Variants in CORIN observed in about 807,000 individuals in gnomAD.
The protein encoded by CORIN is atrial natriuretic peptide-converting enzyme.
In CORIN, 117 loss-of-function variants were observed where a neutral mutation model predicts 125.3. That is an observed-to-expected ratio of 0.93 (90% CI 0.80 to 1.09). The LOEUF is 1.09. CORIN is among the 50% of genes least tolerant of loss of function. The pLI, the probability that CORIN is intolerant of heterozygous loss-of-function variation, is 0.00. For synonymous variants in CORIN, 450 were observed against 466.4 expected (o/e 0.96, Z 0.45); for missense variants, 1,253 against 1,306.7 (o/e 0.96, Z 0.63).
Position 47,789,879 on chromosome 4 carries a change from G to A in CORIN, c.209-2954C>T, listed in dbSNP as rs187467407. Among the ~76,000 whole-genome samples, 1,261 of 152,116 alleles carry A rather than the reference G, an allele frequency of 8.3e-3. 14 individuals carry two copies. Among genetic ancestry groups the A allele is most frequent in the African/African-American group, 0.028 (1,159 of 41,482 alleles). On this transcript the variant is annotated intron_variant, in intron 2 of 21. Transcript: ENST00000273857. ...ACTAAAAATACAAAAAAAATTAGCC[G>A]GGTGTGGTGGCGGGCGCCTGTAGTC... is the stretch of plus-strand genomic sequence containing the variant.
chr4:47,610,398 G>A (rs1246472132), intron 19 of CORIN, among the ~76,000 whole-genome samples: 2 of 151,208 alleles, frequency 1.3e-5, no homozygotes, highest in African/African-American at 4.9e-5. Flanking sequence ...CCACATGAAT[G>A]TCTTCTTTTG....
chr4:47,798,902 A>C (rs1477802639), intron 2 of CORIN, among the ~76,000 whole-genome samples: 1 of 149,360 alleles, frequency 6.7e-6, no homozygotes, highest in Admixed American at 6.6e-5. Context: ...CTAGTAGTAG[A>C]CTCTAGTAGT....
chr4:47,618,755 C>T (rs1708170619), intron 19 of CORIN, among the ~76,000 whole-genome samples: 1 of 151,548 alleles, frequency 6.6e-6, no homozygotes, highest in Non-Finnish European at 1.5e-5. Flanking sequence ...GGAGGCGGAG[C>T]TTGCAGTGAG....
intron 15 of CORIN, chr4:47,642,816 A>C: frequency 6.9e-7 from 1 of 1,447,080 alleles, no homozygotes; most frequent in Non-Finnish European, 9.0e-7. Flanking sequence ...AGAGGTGACA[A>C]AAGAATGGCA....
intron 3 of CORIN, among the ~76,000 whole-genome samples, chr4:47,782,143 G>C (rs189336775): frequency 1.3e-5 from 2 of 151,978 alleles, no homozygotes; most frequent in Non-Finnish European, 2.9e-5. Context: ...TCAGCACTTC[G>C]GGAGGCCAAG....
At chr4:47,676,849 C>T (rs1725042148) in intron 9 of CORIN, among the ~76,000 whole-genome samples, 1 of 152,068 alleles carries the variant, frequency 6.6e-6, no homozygotes, top group African/African-American at 2.4e-5. Flanking sequence ...AACGGAAGTG[C>T]TCGGTTGATA....
At chr4:47,632,821 C>T (rs1466180652) in intron 16 of CORIN, among the ~76,000 whole-genome samples, 1 of 151,356 alleles carries the variant, frequency 6.6e-6, no homozygotes, top group Non-Finnish European at 1.5e-5. Flanking sequence ...ACTCTGTCGC[C>T]CAGGCTGGAG....
At chr4:47,812,734 A>G (rs551234133) in intron 1 of CORIN, among the ~76,000 whole-genome samples, 3 of 152,348 alleles carry the variant, frequency 2.0e-5, no homozygotes, top group East Asian at 1.9e-4. Context: ...TATATATGCA[A>G]ATATTGCCCT....
In CORIN at chr4:47,674,385, G is replaced by T. The variant is rs370558502; in HGVS notation, c.1357+8C>A. On this transcript the variant is annotated splice_region_variant and intron_variant, in intron 10 of 21. Transcript: ENST00000273857. Reference sequence around the variant, plus strand: ...ATGGCTATTGCATTTGTCAGCTGTTGTACTTACTACAGTTATTCAGACTGT... The same window carrying T: ...ATGGCTATTGCATTTGTCAGCTGTTTTACTTACTACAGTTATTCAGACTGT... 1 of 1,575,418 alleles carries T rather than the reference G, an allele frequency of 6.3e-7. No homozygotes were observed. Among genetic ancestry groups the T allele is most frequent in the Non-Finnish European group, 8.7e-7 (1 of 1,144,908 alleles).
chr4:47,837,774 A>C, intron 1 of CORIN, 113 bp downstream of exon 1: 1 of 927,150 alleles, frequency 1.1e-6, no homozygotes, highest in Non-Finnish European at 1.8e-6. Context: ...CTGGGGAAGG[A>C]GGTGGCATCG....
chr4:47,691,316 G>T (rs1353274859), intron 6 of CORIN, among the ~76,000 whole-genome samples: 1 of 152,188 alleles, frequency 6.6e-6, no homozygotes, highest in Non-Finnish European at 1.5e-5. Flanking sequence ...TCGTTACATT[G>T]AATTATTTAA....
At chr4:47,729,775 C>A (rs1021016647) in intron 5 of CORIN, among the ~76,000 whole-genome samples, 1 of 152,132 alleles carries the variant, frequency 6.6e-6, no homozygotes, top group Non-Finnish European at 1.5e-5. Flanking sequence ...CTCATATAAA[C>A]CCAAGACCTT....
In CORIN at chr4:47,763,484, A is replaced by G. The variant is rs1393024186; in HGVS notation, c.512T>C (p.Phe171Ser). Residue 171 changes from phenylalanine to serine, a missense_variant, in exon 4 of 22, where the codon TTC (phenylalanine) becomes TCC (serine). Physicochemically the swap from Phe to Ser is radical, Grantham distance 155. Coordinates refer to ENST00000273857, the MANE Select transcript of CORIN (RefSeq NM_006587.4). Reference protein sequence around the residue: ...SVVRNMEMEKFLKFFTYLHRL... With the variant: ...SVVRNMEMEKSLKFFTYLHRL... ...ATGGAGATATGTGAAAAACTTGAGGAACTTTTCCATTTCCATGTTTCTGAC... is the reference window on the plus strand; with the variant it reads ...ATGGAGATATGTGAAAAACTTGAGGGACTTTTCCATTTCCATGTTTCTGAC... 7 of 1,614,030 alleles carry G rather than the reference A, an allele frequency of 4.3e-6. No homozygotes were observed. Among genetic ancestry groups the G allele is most frequent in the Non-Finnish European group, 5.1e-6 (6 of 1,180,040 alleles).
chr4:47,824,409 C>T (rs1284061659), intron 1 of CORIN, among the ~76,000 whole-genome samples: 2 of 152,072 alleles, frequency 1.3e-5, no homozygotes, highest in African/African-American at 4.8e-5. Context: ...CAAGGCACAC[C>T]CAGGTGAGAT....
At chr4:47,814,635 CA>C (rs961339380) in intron 1 of CORIN, among the ~76,000 whole-genome samples, 2 of 152,128 alleles carry the variant, frequency 1.3e-5, no homozygotes, top group African/African-American at 4.8e-5. Context: ...AACCAACAAG[CA>C]AAATGCCTCC....
chr4:47,718,937 G>T (rs550661507), intron 5 of CORIN, among the ~76,000 whole-genome samples: 2 of 152,242 alleles, frequency 1.3e-5, no homozygotes, highest in African/African-American at 4.8e-5. Flanking sequence ...TAAATGCTCT[G>T]AGATATTTGT....
intron 5 of CORIN, among the ~76,000 whole-genome samples, chr4:47,730,351 T>C (rs1056051346): frequency 1.3e-5 from 2 of 151,640 alleles, no homozygotes; most frequent in African/African-American, 2.4e-5. Context: ...CGGCTGCCTG[T>C]AGTCCTAGCT....
intron 13 of CORIN, among the ~76,000 whole-genome samples, chr4:47,645,623 C>T (rs1305852441): frequency 6.6e-6 from 1 of 151,944 alleles, no homozygotes; most frequent in Non-Finnish European, 1.5e-5. Context: ...GGCACAGTGA[C>T]TCACGCCTGT....
intron 5 of CORIN, among the ~76,000 whole-genome samples, chr4:47,702,633 C>A (rs1468415582): frequency 2.0e-5 from 3 of 152,128 alleles, no homozygotes; most frequent in Non-Finnish European, 2.9e-5. Context: ...ATCACAGTTT[C>A]TTTTAGTCCA....
Sources: gnomAD v4.1 joint callset for allele counts (sites outside exome capture counted in the v4.1 genomes callset) on GRCh38, gnomAD v4.1.1 for gene constraint, MANE v1.5 for transcripts, NCBI Gene and HGNC (gene_info 2026-07-23, HGNC 2026-07-21) for gene names.